The following EML2 variants were observed in gnomAD, a reference collection of about 807,000 sequenced individuals.
EML2 encodes the protein echinoderm microtubule-associated protein-like 2.
In EML2, 59 loss-of-function variants were observed where a neutral mutation model predicts 84.7. That is an observed-to-expected ratio of 0.70 (90% CI 0.56 to 0.86). The LOEUF is 0.86. Among genes scored for constraint, EML2 ranks in the 40% least tolerant of loss-of-function variants. The pLI, the probability that EML2 is intolerant of heterozygous loss-of-function variation, is 0.00. For missense variants in EML2, 818 were observed against 855.6 expected (o/e 0.96, Z 0.55); for synonymous variants, 352 against 348.9 (o/e 1.01, Z -0.10).
chr19:45,643,191 T>C (rs1334878053), upstream of EML2, among the ~76,000 whole-genome samples: 1 of 152,082 alleles, frequency 6.6e-6, no homozygotes, highest in Non-Finnish European at 1.5e-5. Flanking sequence ...TCTAAGACTT[T>C]CCAAGCCAAA....
At chr19:45,644,689 C>A (rs1974895253), upstream of EML2, 1 of 455,908 alleles carries the variant, frequency 2.2e-6, no homozygotes, top group Non-Finnish European at 4.4e-6. Context: ...CAACTCCCCT[C>A]TTCTCCTATC....
At chr19:45,609,937 C>T (rs1970313000) in intron 18 of EML2, 149 bp from the exon 19 acceptor site, 1 of 896,364 alleles carries the variant, frequency 1.1e-6, no homozygotes, top group Non-Finnish European at 1.6e-6. Context: ...GGTATGAGCA[C>T]AGCTTCAATG....
chr19:45,643,797 C>A (rs868399564), upstream of EML2: 41 of 1,460,414 alleles, frequency 2.8e-5, no homozygotes, highest in African/African-American at 4.2e-5. Context: ...CCCTGCCCCC[C>A]ACTCAGCGCC....
chr19:45,617,678 C>T lies in EML2; in HGVS notation c.1274G>A (p.Gly425Asp). The change falls in exon 13 of 19, where the codon GGC becomes GAC. Residue 425 changes from glycine (G) to aspartate (D), a missense_variant. By Grantham distance (94) the Gly-to-Asp change is moderately conservative (BLOSUM62 -1). Coordinates refer to ENST00000245925, the MANE Select transcript of EML2 (RefSeq NM_012155.4). Reference sequence around the variant, plus strand: ...CAGGACAGAGCCACTGGGGTGGAAGCCGGCTGAGCGGGCAGGGTCCTGAGA... The same window carrying T: ...CAGGACAGAGCCACTGGGGTGGAAGTCGGCTGAGCGGGCAGGGTCCTGAGA... Reference protein sequence around the residue: ...RIIEDPARSAGFHPSGSVLAV... With the variant: ...RIIEDPARSADFHPSGSVLAV... 1.2e-6 allele frequency: 2 copies of T among 1,613,762 alleles called. No homozygotes were observed. Among genetic ancestry groups the T allele is most frequent in the Non-Finnish European group, 1.7e-6 (2 of 1,179,832 alleles).
chr19:45,613,048 C>T (rs1308388503), intron 18 of EML2, among the ~76,000 whole-genome samples: 1 of 152,114 alleles, frequency 6.6e-6, no homozygotes, highest in Non-Finnish European at 1.5e-5. Context: ...CAGGCATGCA[C>T]AACCATGCCC....
At chr19:45,644,880 A>G (rs1974911205), upstream of EML2, 1 of 434,690 alleles carries the variant, frequency 2.3e-6, no homozygotes, top group South Asian at 1.6e-5. Flanking sequence ...ACTCAACACC[A>G]AATCCACCCC....
upstream of EML2, chr19:45,645,362 G>T (rs768091016): frequency 1.3e-6 from 2 of 1,526,872 alleles, no homozygotes; most frequent in Non-Finnish European, 1.7e-6. Context: ...GCCACCGCCG[G>T]CCCCCCCGGT....
At chr19:45,625,444 T>C (rs1972198278) in intron 8 of EML2, among the ~76,000 whole-genome samples, 1 of 152,158 alleles carries the variant, frequency 6.6e-6, no homozygotes, top group South Asian at 2.1e-4. Flanking sequence ...GGTTTTGCCA[T>C]GTTGGCCAGG....
upstream of EML2, chr19:45,641,550 G>A (rs1974501220): frequency 7.6e-7 from 1 of 1,319,752 alleles, no homozygotes; most frequent in African/African-American, 1.5e-5. Flanking sequence ...CCCCACTCTA[G>A]GTTACGACCT....
At chr19:45,635,038 A>G (rs1419484160) in intron 3 of EML2, among the ~76,000 whole-genome samples, 2 of 151,244 alleles carry the variant, frequency 1.3e-5, no homozygotes, top group East Asian at 3.9e-4. Context: ...TTTAATAGAG[A>G]TGGGATTTCA....
intron 11 of EML2, among the ~76,000 whole-genome samples, chr19:45,620,262 C>T (rs539570012): frequency 1.8e-4 from 27 of 152,054 alleles, no homozygotes; most frequent in Non-Finnish European, 2.2e-4. Context: ...TACAGGCACA[C>T]GCCACCATGC....
chr19:45,634,064 C>G (rs1284746830), intron 4 of EML2, among the ~76,000 whole-genome samples: 1 of 152,188 alleles, frequency 6.6e-6, no homozygotes, highest in African/African-American at 2.4e-5. Flanking sequence ...TCGCCTCAAC[C>G]TCCTGAGTAG....
rs781142554 is a variant in EML2, at chr19:45,616,784, T to C, written c.1392A>G (p.Ser464=). ...AIHTDGNEQI[S]VVSFSPDGAY... ...GCTTACCTGGGGAGAAGCTGACCACTGAGATCTGTTCATTGCCGTCTGTGT... is the reference window on the plus strand; with the variant it reads ...GCTTACCTGGGGAGAAGCTGACCACCGAGATCTGTTCATTGCCGTCTGTGT... The change falls in exon 14 of 19, where the codon TCA becomes TCG. Residue 464 remains serine, a synonymous_variant. Coordinates refer to ENST00000245925, the MANE Select transcript of EML2 (RefSeq NM_012155.4). 1 of 1,613,026 alleles carries C rather than the reference T, an allele frequency of 6.2e-7. No individual in the cohort carries two copies. The highest frequency in any genetic ancestry group is 8.5e-7 in the Non-Finnish European group (1 of 1,179,698).
chr19:45,645,366 C>CCCCGGTCCCAGCCCGGG (rs1205020984), upstream of EML2: 2 of 1,527,212 alleles, frequency 1.3e-6, no homozygotes, highest in Non-Finnish European at 1.7e-6. Context: ...CCGCCGGCCC[C>CCCCGGTCCCAGCCCGGG]CCCGGTCCCA....
At position 45,621,230 on chromosome 19, in the gene EML2, T is replaced by C. The variant is rs1301220567; in HGVS notation, c.1099A>G (p.Thr367Ala). Residue 367 changes from threonine to alanine, a missense_variant, in exon 11 of 19, where the codon ACA (threonine) becomes GCA (alanine). By Grantham distance (58) the Thr-to-Ala change is moderately conservative. Transcript: ENST00000245925. Reference sequence around the variant, plus strand: ...ACCTGGACCAGCAGTGAGAAGCCTGTGTGCACGGAGCCCTGCAGGATGGAA... The same window carrying C: ...ACCTGGACCAGCAGTGAGAAGCCTGCGTGCACGGAGCCCTGCAGGATGGAA... ...RNSILQGSVH[T>A]GFSLLVQGHV... 1 of 1,613,794 alleles carries C rather than the reference T, an allele frequency of 6.2e-7. No individual in the cohort carries two copies. The highest frequency in any genetic ancestry group is 8.5e-7 in the Non-Finnish European group (1 of 1,180,010).
chr19:45,614,553 T>A, intron 17 of EML2, 52 bp downstream of exon 17: 3 of 1,494,694 alleles, frequency 2.0e-6, no homozygotes, highest in Non-Finnish European at 2.8e-6. Flanking sequence ...CCAGCGGGGA[T>A]GTCTCTCAGA....
At chr19:45,638,449 T>A (rs1260333437) in intron 3 of EML2, 56 bp downstream of exon 3, 8 of 1,611,488 alleles carry the variant, frequency 5.0e-6, no homozygotes, top group Non-Finnish European at 8.5e-7. Flanking sequence ...CTTGACCGCC[T>A]TTCTATTTCC....
At position 45,621,598 on chromosome 19, in the gene EML2, T is replaced by A; in HGVS notation, c.881A>T (p.Asp294Val). The change falls in exon 10 of 19, where the codon GAC becomes GTC. Residue 294 changes from aspartate (D) to valine (V), a missense_variant. Coordinates refer to ENST00000245925, the MANE Select transcript of EML2 (RefSeq NM_012155.4). ...GGCGCAGAGCCCAAACACGCCGCCG[T>A]CGTGGGCGCCCAGCACCGCCTGTGT... ...RITQAVLGAH[D>V]GGVFGLCALR... is the part of the protein sequence containing the mutation. 1 of 1,610,616 alleles carries A rather than the reference T, an allele frequency of 6.2e-7. No individual in the cohort carries two copies. The highest frequency in any genetic ancestry group is 1.1e-5 in the South Asian group (1 of 91,044).
intron 18 of EML2, among the ~76,000 whole-genome samples, chr19:45,611,551 T>C (rs964572773): frequency 1.3e-5 from 2 of 151,446 alleles, no homozygotes; most frequent in Admixed American, 6.6e-5. Flanking sequence ...AGTGGTGCAA[T>C]CTCAACTCAC....
Sources: allele counts gnomAD v4.1 joint callset (sites outside exome capture counted in the v4.1 genomes callset), GRCh38; gene constraint gnomAD v4.1.1; transcripts MANE v1.5; gene names NCBI Gene and HGNC (gene_info 2026-07-23, HGNC 2026-07-21).